NCKAP5: variants seen among roughly 807,000 people sequenced by gnomAD.
The protein encoded by NCKAP5 is NCK associated protein 5.
NCKAP5 carries 92 observed loss-of-function variants against 167.0 expected under a neutral mutation model. The ratio of observed to expected loss-of-function variants is 0.55; its 90% CI spans 0.47 to 0.66. NCKAP5 has a LOEUF of 0.66. NCKAP5 is among the 30% of genes least tolerant of loss of function. The probability of loss-of-function intolerance (pLI) is 0.00; values close to 1 mark genes in which losing one functional copy is unlikely to be tolerated. For missense variants in NCKAP5, 2,378 were observed against 2,315.0 expected, an observed-to-expected ratio of 1.03 and a Z score of -0.56; for synonymous variants, 891 against 877.4, an observed-to-expected ratio of 1.02 and a Z score of -0.27.
chr2:133,045,375 A>C (rs1440685722), intron 6 of NCKAP5, among the ~76,000 whole-genome samples: 6 of 151,942 alleles, frequency 3.9e-5, no homozygotes, highest in African/African-American at 1.4e-4. Context: ...ATATATATCT[A>C]TATCTATCTA....
At chr2:132,991,590 C>T (rs555577581) in intron 7 of NCKAP5, among the ~76,000 whole-genome samples, 1 of 152,300 alleles carries the variant, frequency 6.6e-6, no homozygotes, top group East Asian at 1.9e-4. Context: ...AAGCAATTAG[C>T]AGGGGCCTGG....
chr2:133,213,886 G>T, intron 4 of NCKAP5, 107 bp from the exon 5 acceptor site: 1 of 1,020,112 alleles, frequency 9.8e-7, no homozygotes, highest in Non-Finnish European at 1.5e-6. Flanking sequence ...TCCTTCCTTG[G>T]TTTAGCTCAC....
At chr2:132,833,865 T>C (rs1237404024) in intron 11 of NCKAP5, among the ~76,000 whole-genome samples, 3 of 152,180 alleles carry the variant, frequency 2.0e-5, no homozygotes. Flanking sequence ...TCCATATGAA[T>C]GTTAGGAATG....
At chr2:133,415,471 G>T (rs1400661317) in intron 3 of NCKAP5, among the ~76,000 whole-genome samples, 12 of 152,192 alleles carry the variant, frequency 7.9e-5, no homozygotes, top group Non-Finnish European at 1.6e-4. Flanking sequence ...CAAGTTTTCT[G>T]CTGCAAGCCT....
chr2:132,751,000 G>A (rs949969706), intron 16 of NCKAP5, among the ~76,000 whole-genome samples: 3 of 152,100 alleles, frequency 2.0e-5, no homozygotes, highest in African/African-American at 7.2e-5. Flanking sequence ...AATGTGCAGG[G>A]GAAGGAGAAA....
At chr2:133,168,279 CAT>C (rs1491218502) in intron 5 of NCKAP5, among the ~76,000 whole-genome samples, 105 of 134,754 alleles carry the variant, frequency 7.8e-4, no homozygotes, top group African/African-American at 3.0e-3. Flanking sequence ...CAACTGATAA[CAT>C]TTTTTTTTTT....
chr2:132,982,476 G>A (rs183516713), intron 7 of NCKAP5, among the ~76,000 whole-genome samples: 113 of 152,248 alleles, frequency 7.4e-4, no homozygotes, highest in Non-Finnish European at 1.5e-3. Context: ...AGATGTGAGG[G>A]ACTGCTGGGA....
intron 8 of NCKAP5, among the ~76,000 whole-genome samples, chr2:132,951,290 CA>C (rs2076179776): frequency 6.6e-6 from 1 of 152,080 alleles, no homozygotes; most frequent in Non-Finnish European, 1.5e-5. Context: ...GTTCCAATTC[CA>C]AAGGCAAAAA....
At chr2:132,762,164 G>A (rs193025056) in intron 16 of NCKAP5, among the ~76,000 whole-genome samples, 125 of 151,266 alleles carry the variant, frequency 8.3e-4, no homozygotes, top group Non-Finnish European at 1.5e-3. Flanking sequence ...TAACTTGCAG[G>A]GCTGATGTGA....
At chr2:133,412,491 C>G (rs532009682) in intron 3 of NCKAP5, among the ~76,000 whole-genome samples, 1 of 152,256 alleles carries the variant, frequency 6.6e-6, no homozygotes, top group South Asian at 2.1e-4. Context: ...TTATTCTGAC[C>G]TTGGCCTTCA....
chr2:133,004,710 G>C (rs977851130), intron 6 of NCKAP5, among the ~76,000 whole-genome samples: 10 of 152,120 alleles, frequency 6.6e-5, no homozygotes, highest in African/African-American at 2.2e-4. Context: ...CAGGAAACAG[G>C]GTTTGAGAGT....
chr2:133,318,913 TCTCCC>T (rs1681815853), intron 3 of NCKAP5, among the ~76,000 whole-genome samples: 2 of 152,118 alleles, frequency 1.3e-5, no homozygotes, highest in Non-Finnish European at 2.9e-5. Flanking sequence ...ATGCAACGGT[TCTCCC>T]ACTATGGACA....
chr2:132,968,306 G>C (rs530450282), intron 7 of NCKAP5, among the ~76,000 whole-genome samples: 16 of 152,318 alleles, frequency 1.1e-4, no homozygotes, highest in Admixed American at 3.3e-4. Flanking sequence ...AGACTAGTTG[G>C]AAAGTCTTTA....
intron 6 of NCKAP5, among the ~76,000 whole-genome samples, chr2:133,095,150 G>A (rs1422457901): frequency 6.6e-6 from 1 of 152,112 alleles, no homozygotes. Context: ...TTGTTTTAAG[G>A]TAAATTTGTG....
At position 132,994,366 on chromosome 2, in the gene NCKAP5, T is replaced by C. The variant is rs953193754; in HGVS notation, c.342-127A>G. 4.6e-6 allele frequency: 3 copies of C among 654,870 alleles called. No homozygotes were observed. The African/African-American group carries it at 5.5e-5, about 12-fold the overall frequency. The allele number at this position is 654,870 out of a possible 1,614,324, so 40.6% of individuals were successfully genotyped here. On this transcript the variant is annotated intron_variant, in intron 6 of 19. Transcript: ENST00000409261. The stretch of plus-strand genomic sequence containing the variant: ...TCAACCTGGAAATCTCTTTTCTCTC[T>C]ACTTCATCTTCTATCAGTTATCTGT...
intron 3 of NCKAP5, among the ~76,000 whole-genome samples, chr2:133,420,330 T>C (rs1171914986): frequency 6.6e-6 from 1 of 152,206 alleles, no homozygotes; most frequent in Admixed American, 6.5e-5. Context: ...CTGAAAATAT[T>C]ATGGTAAGTG....
intron 3 of NCKAP5, among the ~76,000 whole-genome samples, chr2:133,436,583 A>G (rs1400520753): frequency 6.6e-6 from 1 of 152,122 alleles, no homozygotes; most frequent in Non-Finnish European, 1.5e-5. Flanking sequence ...CCTCACAGCT[A>G]GTTCCCCACC....
intron 12 of NCKAP5, among the ~76,000 whole-genome samples, chr2:132,794,242 A>G (rs1269922497): frequency 2.6e-4 from 15 of 57,184 alleles, no homozygotes; most frequent in African/African-American, 7.6e-4. Flanking sequence ...ATATATATAT[A>G]TATATATATA....
chr2:132,698,224 G>A (rs1047782740), intron 19 of NCKAP5, among the ~76,000 whole-genome samples: 1 of 152,066 alleles, frequency 6.6e-6, no homozygotes, highest in African/African-American at 2.4e-5. Context: ...ACCCCATCAT[G>A]CACAGACACC....
Sources: allele counts gnomAD v4.1 joint callset (sites outside exome capture counted in the v4.1 genomes callset), GRCh38; gene constraint gnomAD v4.1.1; transcripts MANE v1.5; gene names NCBI Gene and HGNC (gene_info 2026-07-23, HGNC 2026-07-21).